The following ARHGAP15 variants were observed in gnomAD, a reference collection of about 807,000 sequenced individuals.
The protein encoded by ARHGAP15 is Rho GTPase activating protein 15, also known as rho GTPase-activating protein 15.
A neutral mutation model predicts 63.7 loss-of-function variants in ARHGAP15; 51 were observed. The ratio of observed to expected loss-of-function variants is 0.80; its 90% CI spans 0.64 to 1.01. The LOEUF is 1.01. ARHGAP15 is among the 50% of genes least tolerant of loss of function. The pLI is 0.00. For missense variants in ARHGAP15, 560 were observed against 564.6 expected (o/e 0.99, Z 0.08); for synonymous variants, 191 against 193.8 (o/e 0.99, Z 0.12).
chr2:143,492,204 A>T (rs1692612238), intron 9 of ARHGAP15, among the ~76,000 whole-genome samples: 1 of 152,078 alleles, frequency 6.6e-6, no homozygotes, highest in Non-Finnish European at 1.5e-5. Context: ...TCTCCTCGCC[A>T]GATACTTACA....
chr2:143,346,429 T>C (rs1345531084), intron 6 of ARHGAP15, among the ~76,000 whole-genome samples: 1 of 152,086 alleles, frequency 6.6e-6, no homozygotes, highest in Non-Finnish European at 1.5e-5. Context: ...GGATTCTTTA[T>C]TGTCTGTGAG....
intron 13 of ARHGAP15, among the ~76,000 whole-genome samples, chr2:143,760,970 C>G (rs1222823768): frequency 9.9e-5 from 15 of 152,000 alleles, no homozygotes; most frequent in Admixed American, 9.8e-4. Context: ...ATGTTAAATG[C>G]AAAAACACTT....
At chr2:143,504,919 G>T (rs1693235433) in intron 9 of ARHGAP15, among the ~76,000 whole-genome samples, 1 of 152,120 alleles carries the variant, frequency 6.6e-6, no homozygotes, top group African/African-American at 2.4e-5. Flanking sequence ...AGTCCACTTT[G>T]TCTTCAAAGG....
intron 11 of ARHGAP15, among the ~76,000 whole-genome samples, chr2:143,612,337 T>G (rs1574708558): frequency 6.6e-6 from 1 of 152,140 alleles, no homozygotes; most frequent in East Asian, 1.9e-4. Context: ...TAATTAGTAT[T>G]TGTAGAAATG....
At chr2:143,624,964 G>C (rs550186241) in intron 12 of ARHGAP15, among the ~76,000 whole-genome samples, 2 of 152,060 alleles carry the variant, frequency 1.3e-5, no homozygotes, top group South Asian at 2.1e-4. Context: ...ATGAATGAAT[G>C]AATCAATGAA....
intron 5 of ARHGAP15, among the ~76,000 whole-genome samples, chr2:143,244,071 T>G (rs1292341570): frequency 6.6e-6 from 1 of 152,222 alleles, no homozygotes; most frequent in Admixed American, 6.5e-5. Context: ...CTTTGTGAAC[T>G]GTCATTCTGA....
intron 6 of ARHGAP15, among the ~76,000 whole-genome samples, chr2:143,402,740 A>C (rs1688036485): frequency 6.6e-6 from 1 of 151,842 alleles, no homozygotes; most frequent in Non-Finnish European, 1.5e-5. Flanking sequence ...AAAGAGCCTC[A>C]TGTTGGGCTG....
At chr2:143,137,682 T>C (rs932806773) in intron 1 of ARHGAP15, among the ~76,000 whole-genome samples, 6 of 152,044 alleles carry the variant, frequency 3.9e-5, no homozygotes, top group African/African-American at 1.4e-4. Context: ...GGTATTAAAA[T>C]TGACTAATTT....
At chr2:143,201,506 G>A (rs572014855) in intron 2 of ARHGAP15, among the ~76,000 whole-genome samples, 3 of 151,914 alleles carry the variant, frequency 2.0e-5, no homozygotes, top group South Asian at 2.1e-4. Context: ...CTTATTTCAC[G>A]TGTTCTCACT....
At chr2:143,535,154 G>T (rs959973988) in intron 10 of ARHGAP15, among the ~76,000 whole-genome samples, 2 of 151,898 alleles carry the variant, frequency 1.3e-5, no homozygotes, top group African/African-American at 4.8e-5. Flanking sequence ...CTGTGTCTTG[G>T]TGTGTCCAAA....
In ARHGAP15 at chr2:143,647,086, G is replaced by GTACT. The variant is rs1322786820; in HGVS notation, c.1138+22823_1138+22826dup. ...CTCTGTGAATGAAAAATGGATATTTGTACTTACCCTCATAAGCATTAAAAG... is the reference window on the plus strand; with the variant it reads ...CTCTGTGAATGAAAAATGGATATTTGTACTTACTTACCCTCATAAGCATTAAAAG... On this transcript the variant is annotated intron_variant, in intron 12 of 13. Coordinates refer to ENST00000295095, the MANE Select transcript of ARHGAP15 (RefSeq NM_018460.4). Among the ~76,000 whole-genome samples, 8 of 151,984 alleles carry GTACT rather than the reference G, an allele frequency of 5.3e-5. No homozygotes were observed. The East Asian group carries it at 1.5e-3, about 29-fold the overall frequency.
chr2:143,494,346 C>T (rs1046554364), intron 9 of ARHGAP15, among the ~76,000 whole-genome samples: 3 of 151,860 alleles, frequency 2.0e-5, no homozygotes, highest in African/African-American at 7.3e-5. Flanking sequence ...GATTTGTTTC[C>T]CATTCTTCTT....
chr2:143,174,739 A>C (rs1297547232), intron 2 of ARHGAP15, among the ~76,000 whole-genome samples: 1 of 152,170 alleles, frequency 6.6e-6, no homozygotes, highest in Admixed American at 6.6e-5. Context: ...CAGATTAATC[A>C]GTATGGTCTC....
chr2:143,455,763 C>T (rs1240623112), intron 8 of ARHGAP15, among the ~76,000 whole-genome samples: 1 of 152,074 alleles, frequency 6.6e-6, no homozygotes, highest in Non-Finnish European at 1.5e-5. Flanking sequence ...GGTCCAAACT[C>T]TCATCTATGG....
At chr2:143,260,891 G>GAAC (rs540733892) in intron 6 of ARHGAP15, among the ~76,000 whole-genome samples, 7 of 152,222 alleles carry the variant, frequency 4.6e-5, no homozygotes, top group South Asian at 2.1e-4. Context: ...GGAAGGATAT[G>GAAC]AACAACAACA....
intron 13 of ARHGAP15, among the ~76,000 whole-genome samples, chr2:143,755,938 C>A (rs977723061): frequency 6.6e-6 from 1 of 152,024 alleles, no homozygotes; most frequent in East Asian, 1.9e-4. Context: ...TGCACTCCAG[C>A]CTGGGTAACA....
chr2:143,487,419 A>G lies in ARHGAP15; in HGVS notation c.750A>G (p.Arg250=), dbSNP rs1165102232. The G allele has an allele frequency of 6.2e-7, 1 of 1,613,772 alleles. No individual in the cohort carries two copies. The highest frequency in any genetic ancestry group is 1.3e-5 in the African/African-American group (1 of 74,904). Reference sequence around the variant, plus strand: ...CTTCCGATACAAGCGACAAAAATCGAGTTAAAAGCAGATTAAAGAAGTTTA... The same window carrying G: ...CTTCCGATACAAGCGACAAAAATCGGGTTAAAAGCAGATTAAAGAAGTTTA... The part of the protein sequence containing the change: ...HSASDTSDKN[R]VKSRLKKFIT... The change falls in exon 9 of 14, where the codon CGA becomes CGG. Residue 250 remains arginine (R), a synonymous_variant. Transcript: ENST00000295095.
At chr2:143,432,527 G>A (rs1231737712) in intron 6 of ARHGAP15, among the ~76,000 whole-genome samples, 1 of 151,912 alleles carries the variant, frequency 6.6e-6, no homozygotes, top group Non-Finnish European at 1.5e-5. Context: ...ATATTAAGAG[G>A]AACCGTACCA....
intron 12 of ARHGAP15, among the ~76,000 whole-genome samples, chr2:143,661,773 G>A (rs1681797766): frequency 6.6e-6 from 1 of 152,208 alleles, no homozygotes; most frequent in African/African-American, 2.4e-5. Context: ...AAGCGCAAGG[G>A]GTCAGGGAGT....
Sources: allele counts gnomAD v4.1 joint callset (sites outside exome capture counted in the v4.1 genomes callset), GRCh38; gene constraint gnomAD v4.1.1; transcripts MANE v1.5; gene names NCBI Gene and HGNC (gene_info 2026-07-23, HGNC 2026-07-21).